DMXL1: variants seen among roughly 807,000 people sequenced by gnomAD.
The protein encoded by DMXL1 is Dmx like 1, also known as dmX-like protein 1.
DMXL1 carries 99 observed loss-of-function variants against 319.2 expected under a neutral mutation model. That is an observed-to-expected ratio of 0.31 (90% CI 0.26 to 0.37). The LOEUF (loss-of-function observed/expected upper bound fraction) is 0.37. Among genes scored for constraint, DMXL1 ranks in the 10% least tolerant of loss-of-function variants. The pLI is 1.00. For missense variants in DMXL1, 3,745 were observed against 3,595.6 expected (o/e 1.04, Z -1.06); for synonymous variants, 1,385 against 1,235.2 (o/e 1.12, Z -2.54).
At chr5:119,228,867 GA>G (rs1420401059) in intron 38 of DMXL1, among the ~76,000 whole-genome samples, 1 of 151,914 alleles carries the variant, frequency 6.6e-6, no homozygotes, top group Non-Finnish European at 1.5e-5. Context: ...TGTTGTTGTA[GA>G]AAAATCCTTA....
intron 9 of DMXL1, chr5:119,127,963 G>A (rs766793025): frequency 2.6e-6 from 1 of 383,740 alleles, no homozygotes; most frequent in Admixed American, 3.3e-5. Context: ...TGTCCTGAAG[G>A]AGAAATGAAG....
chr5:119,204,573 T>G (rs1432475527), intron 33 of DMXL1, among the ~76,000 whole-genome samples: 2 of 151,992 alleles, frequency 1.3e-5, no homozygotes, highest in East Asian at 1.9e-4. Context: ...TTTTTTTTTT[T>G]GTCATTTAGT....
chr5:119,238,186 T>G (rs1435792638), intron 40 of DMXL1, among the ~76,000 whole-genome samples: 6 of 152,090 alleles, frequency 3.9e-5, no homozygotes, highest in Non-Finnish European at 8.8e-5. Context: ...TGGTTTAAAT[T>G]ATGAATAACT....
At chr5:119,144,493 A>G in intron 14 of DMXL1, 43 bp from the exon 15 acceptor site, 2 of 1,392,142 alleles carry the variant, frequency 1.4e-6, no homozygotes, top group Non-Finnish European at 2.0e-6. Flanking sequence ...CATTAGGTAA[A>G]TAACACATAG....
At chr5:119,188,052 G>A (rs1455871628) in intron 28 of DMXL1, among the ~76,000 whole-genome samples, 1 of 152,152 alleles carries the variant, frequency 6.6e-6, no homozygotes, top group Admixed American at 6.5e-5. Context: ...CATGTCACGT[G>A]ACTGGATTCA....
chr5:119,222,588 C>G (rs953840400), intron 37 of DMXL1, among the ~76,000 whole-genome samples: 4 of 152,146 alleles, frequency 2.6e-5, no homozygotes, highest in Non-Finnish European at 4.4e-5. Flanking sequence ...CCTGTAACAT[C>G]TTTCTTGTTG....
intron 2 of DMXL1, among the ~76,000 whole-genome samples, chr5:119,099,532 C>T (rs1310740953): frequency 1.3e-5 from 2 of 152,108 alleles, no homozygotes; most frequent in Non-Finnish European, 2.9e-5. Flanking sequence ...TTTTCATTCT[C>T]TTCATGTTTG....
rs1472275048 is a variant in DMXL1 at position 119,091,248 on chromosome 5, C to A, written c.88-6731C>A. 2.6e-5 allele frequency among the ~76,000 whole-genome samples: 4 copies of A among 152,024 alleles called. No homozygotes were observed. The East Asian group carries it at 5.8e-4, about 22-fold the overall frequency. ...ATTTGACAGTGTCTTGCTCTGTTGCCCAGGCTGGAGTGCAGTGGTGAGATC... is the reference window on the plus strand; with the variant it reads ...ATTTGACAGTGTCTTGCTCTGTTGCACAGGCTGGAGTGCAGTGGTGAGATC... On this transcript the variant is annotated intron_variant, in intron 1 of 43. Transcript: ENST00000539542.
At chr5:119,128,098 A>G (rs1580879879) in intron 9 of DMXL1, 1 of 479,180 alleles carries the variant, frequency 2.1e-6, no homozygotes, top group East Asian at 5.5e-5. Context: ...ACCCATTGCA[A>G]GTCTAAATCA....
intron 23 of DMXL1, 53 bp downstream of exon 23, chr5:119,167,917 A>G (rs1773756676): frequency 5.9e-6 from 9 of 1,532,654 alleles, no homozygotes; most frequent in Non-Finnish European, 7.1e-6. Flanking sequence ...GGTAATTGCT[A>G]CATGTGCAGA....
intron 1 of DMXL1, among the ~76,000 whole-genome samples, chr5:119,078,295 A>C (rs1222856494): frequency 6.6e-6 from 1 of 151,964 alleles, no homozygotes; most frequent in South Asian, 2.1e-4. Context: ...TTTCACTTTT[A>C]TTTTCACAAA....
intron 19 of DMXL1, among the ~76,000 whole-genome samples, chr5:119,157,974 A>C (rs1480044625): frequency 1.3e-5 from 2 of 152,134 alleles, no homozygotes; most frequent in Admixed American, 6.5e-5. Flanking sequence ...TGAACACTGG[A>C]TATCTTACCA....
intron 35 of DMXL1, among the ~76,000 whole-genome samples, chr5:119,220,064 T>G (rs1482200688): frequency 6.6e-6 from 1 of 152,066 alleles, no homozygotes; most frequent in Non-Finnish European, 1.5e-5. Flanking sequence ...TTTGTTTTAT[T>G]TAAATAATTA....
intron 37 of DMXL1, among the ~76,000 whole-genome samples, chr5:119,221,697 C>T (rs1784671756): frequency 1.3e-5 from 2 of 151,980 alleles, no homozygotes; most frequent in African/African-American, 4.8e-5. Context: ...GTTTGCTAAC[C>T]CCTTGTCTAG....
At chr5:119,144,401 C>T (rs976416556) in intron 14 of DMXL1, 135 bp from the exon 15 acceptor site, 11 of 637,598 alleles carry the variant, frequency 1.7e-5, no homozygotes, top group African/African-American at 1.1e-4. Flanking sequence ...AGGTGCCATA[C>T]GCTTACGTTC....
intron 40 of DMXL1, among the ~76,000 whole-genome samples, chr5:119,238,293 G>T (rs1040245905): frequency 6.6e-6 from 1 of 151,802 alleles, no homozygotes; most frequent in African/African-American, 2.4e-5. Context: ...TTGGCTCAAA[G>T]GAATAATCTT....
intron 1 of DMXL1, among the ~76,000 whole-genome samples, chr5:119,083,947 A>G (rs541783122): frequency 2.6e-5 from 4 of 152,292 alleles, no homozygotes; most frequent in South Asian, 4.1e-4. Flanking sequence ...TTTTGAGAAC[A>G]TCTGCTATTT....
intron 5 of DMXL1, among the ~76,000 whole-genome samples, chr5:119,113,315 C>T (rs1448716489): frequency 6.6e-6 from 1 of 152,104 alleles, no homozygotes; most frequent in East Asian, 1.9e-4. Flanking sequence ...GATCTTGGCT[C>T]ACTGCAACCT....
intron 5 of DMXL1, 104 bp from the exon 6 acceptor site, chr5:119,114,370 CA>C (rs771390625): frequency 1.9e-4 from 149 of 785,736 alleles, no homozygotes; most frequent in Non-Finnish European, 2.8e-4. Context: ...AAACTTATAA[CA>C]TTTTCTGTCT....
Sources: gnomAD v4.1 joint callset for allele counts (sites outside exome capture counted in the v4.1 genomes callset) on GRCh38, gnomAD v4.1.1 for gene constraint, MANE v1.5 for transcripts, NCBI Gene and HGNC (gene_info 2026-07-23, HGNC 2026-07-21) for gene names.